DIS3L2: variants seen among roughly 807,000 people sequenced by gnomAD.
DIS3L2 encodes DIS3 like 3'-5' exoribonuclease 2.
A neutral mutation model predicts 97.5 loss-of-function variants in DIS3L2; 34 were observed. That is an observed-to-expected ratio of 0.35 (90% confidence interval 0.27 to 0.46). The LOEUF is 0.46. Ranked by LOEUF, DIS3L2 falls within the 20% of genes least tolerant of loss-of-function variation. The pLI, the probability that DIS3L2 is intolerant of heterozygous loss-of-function variation, is 1.00. For synonymous variants in DIS3L2, 435 were observed against 445.2 expected, an observed-to-expected ratio of 0.98 and a Z score of 0.29; for missense variants, 1,038 against 1,146.0, an observed-to-expected ratio of 0.91 and a Z score of 1.36.
chr2:232,071,402 G>C (rs1185774916), intron 5 of DIS3L2, among the ~76,000 whole-genome samples: 1 of 152,048 alleles, frequency 6.6e-6, no homozygotes, highest in Non-Finnish European at 1.5e-5. Context: ...TATGCTGGTA[G>C]TCCCAGCTGT....
At chr2:232,007,974 A>G (rs186230628) in intron 1 of DIS3L2, among the ~76,000 whole-genome samples, 4 of 152,012 alleles carry the variant, frequency 2.6e-5, no homozygotes, top group Non-Finnish European at 5.9e-5. Flanking sequence ...TAATAATTCT[A>G]TTTATTTACT....
At chr2:232,173,663 C>A (rs1293306705) in intron 9 of DIS3L2, among the ~76,000 whole-genome samples, 2 of 152,132 alleles carry the variant, frequency 1.3e-5, no homozygotes, top group African/African-American at 4.8e-5. Flanking sequence ...CCAGTTGTTT[C>A]AGCACCATAA....
chr2:232,340,580 G>C, downstream of DIS3L2: 1 of 421,632 alleles, frequency 2.4e-6, no homozygotes, highest in Non-Finnish European at 4.9e-6. Context: ...GGGATGCTGA[G>C]ACTACAGCCC....
chr2:231,968,142 G>C (rs946928362), intron 1 of DIS3L2, among the ~76,000 whole-genome samples: 1 of 148,958 alleles, frequency 6.7e-6, no homozygotes, highest in Non-Finnish European at 1.5e-5. Flanking sequence ...CTGTCACCCA[G>C]GCTGGAGTGC....
chr2:232,030,106 T>A, intron 5 of DIS3L2, 26 bp downstream of exon 5: 1 of 1,594,584 alleles, frequency 6.3e-7, no homozygotes, highest in Non-Finnish European at 8.6e-7. Flanking sequence ...CCTTTCTAAT[T>A]ACAGATTTCT....
At chr2:231,961,787 C>T (rs547086477) in intron 1 of DIS3L2, 22 bp downstream of exon 1, 2 of 153,174 alleles carry the variant, frequency 1.3e-5, no homozygotes, top group South Asian at 4.1e-4. Context: ...ACTCGCCTGC[C>T]CCCTGCACCG....
At chr2:232,053,296 AAGT>A in intron 5 of DIS3L2, among the ~76,000 whole-genome samples, 1 of 152,330 alleles carries the variant, frequency 6.6e-6, no homozygotes, top group South Asian at 2.1e-4. Flanking sequence ...ATTATGTTAA[AAGT>A]AGTTTAAAAG....
At chr2:232,234,549 C>A (rs2106247943) in intron 10 of DIS3L2, among the ~76,000 whole-genome samples, 1 of 152,232 alleles carries the variant, frequency 6.6e-6, no homozygotes, top group African/African-American at 2.4e-5. Flanking sequence ...TGGGGTTTCA[C>A]CCATGTTGGC....
intron 14 of DIS3L2, 28 bp from the exon 15 acceptor site, chr2:232,329,785 T>TGCCGGGGGGGGGGCGCCCC: frequency 1.0e-6 from 1 of 967,144 alleles, no homozygotes; most frequent in Non-Finnish European, 1.5e-6. Flanking sequence ...ACCCCAGCGG[T>TGCCGGGGGGGGGGCGCCCC]CCCTCCCATC....
At chr2:232,264,928 G>A (rs898416266) in intron 13 of DIS3L2, among the ~76,000 whole-genome samples, 3 of 152,232 alleles carry the variant, frequency 2.0e-5, no homozygotes, top group South Asian at 4.1e-4. Context: ...CGGGCAGCCT[G>A]AGCAGGCCTG....
At position 232,325,319 on chromosome 2, in the gene DIS3L2, ATGT is replaced by A. The variant is rs1001134282; in HGVS notation, c.1740-4488_1740-4486del. The stretch of plus-strand genomic sequence containing the variant: ...GAAGAGCCCTGCGTTTCATATATTG[ATGT>A]TGTTGCTTTTTCTTTAGAGGAACGT... On this transcript the variant is annotated intron_variant, in intron 14 of 20. Transcript: ENST00000325385. This position sits in a 1 kb window ranked among gnomAD's most constrained non-coding sequence, Gnocchi z 4.6. Among the ~76,000 whole-genome samples, 2 of 151,998 alleles carry A rather than the reference ATGT, an allele frequency of 1.3e-5. No homozygotes were observed. Among genetic ancestry groups the A allele is most frequent in the African/African-American group, 2.4e-5 (1 of 41,378 alleles).
chr2:232,083,494 TTC>T (rs1318207842), intron 5 of DIS3L2, among the ~76,000 whole-genome samples: 2 of 146,586 alleles, frequency 1.4e-5, no homozygotes, highest in Admixed American at 1.4e-4. Context: ...TGTCTTCTTC[TTC>T]TTTTTTTTTT....
intron 9 of DIS3L2, among the ~76,000 whole-genome samples, chr2:232,186,264 T>C (rs1328411238): frequency 1.6e-4 from 25 of 152,164 alleles, no homozygotes; most frequent in Admixed American, 1.6e-3. Context: ...TAAAGGATAA[T>C]AAGGAACATA....
chr2:232,097,105 C>G (rs541542895), intron 6 of DIS3L2, among the ~76,000 whole-genome samples: 2 of 152,272 alleles, frequency 1.3e-5, no homozygotes, highest in South Asian at 4.1e-4. Flanking sequence ...GTATTGTAAT[C>G]TAAGCCGTAT....
At chr2:232,000,613 T>TTTTCCTTTCTTTTCCTTTCCTTTCC (rs1693854244) in intron 1 of DIS3L2, among the ~76,000 whole-genome samples, 1 of 107,316 alleles carries the variant, frequency 9.3e-6, no homozygotes, top group Non-Finnish European at 1.8e-5. Flanking sequence ...CTTTCCTTTC[T>TTTTCCTTTCTTTTCCTTTCCTTTCC]TTTCCTTTCC....
Position 232,281,166 on chromosome 2 carries a change from G to A in DIS3L2, c.1659+17726G>A, listed in dbSNP as rs1462428117. On this transcript the variant is annotated intron_variant, in intron 13 of 20. Transcript: ENST00000325385. The surrounding 1 kb of genome is among the most constrained non-coding windows in gnomAD (Gnocchi z 4.1). ...CTATAACCCAGCACTTTGGGAGGCC[G>A]AGGCGGGTGGATCACAAGGTCAGGA... Among the ~76,000 whole-genome samples the A allele has an allele frequency of 3.3e-5, 5 of 152,128 alleles. No individual in the cohort carries two copies. The highest frequency in any genetic ancestry group is 4.8e-5 in the African/African-American group (2 of 41,434).
At chr2:232,274,213 G>T (rs909540935) in intron 13 of DIS3L2, among the ~76,000 whole-genome samples, 3 of 152,136 alleles carry the variant, frequency 2.0e-5, no homozygotes, top group African/African-American at 7.2e-5. Flanking sequence ...TCAGAGATGT[G>T]AACCTTTCAA....
At chr2:231,983,123 C>T (rs1411565888) in intron 1 of DIS3L2, among the ~76,000 whole-genome samples, 1 of 152,156 alleles carries the variant, frequency 6.6e-6, no homozygotes, top group Non-Finnish European at 1.5e-5. Flanking sequence ...ATTCCTCTGC[C>T]TTTATTGGAA....
At chr2:232,055,601 T>C (rs1695525631) in intron 5 of DIS3L2, among the ~76,000 whole-genome samples, 1 of 152,088 alleles carries the variant, frequency 6.6e-6, no homozygotes, top group Non-Finnish European at 1.5e-5. Flanking sequence ...GCAATCGTTG[T>C]TGTGTGTGTG....
Sources: allele counts gnomAD v4.1 joint callset (sites outside exome capture counted in the v4.1 genomes callset), GRCh38; gene constraint gnomAD v4.1.1; non-coding constraint Gnocchi (gnomAD v3.1); transcripts MANE v1.5; gene names NCBI Gene and HGNC (gene_info 2026-07-23, HGNC 2026-07-21).